NAALADL2: variants seen among roughly 807,000 people sequenced by gnomAD.
The protein encoded by NAALADL2 is N-acetylated alpha-linked acidic dipeptidase like 2.
In NAALADL2, 76 loss-of-function variants were observed where a neutral mutation model predicts 87.2. The observed-to-expected ratio is 0.87, with a 90% confidence interval of 0.72 to 1.05. NAALADL2 has a LOEUF of 1.05. Among genes scored for constraint, NAALADL2 ranks in the 50% least tolerant of loss-of-function variants. The pLI, the probability that NAALADL2 is intolerant of heterozygous loss-of-function variation, is 0.00. For missense variants in NAALADL2, 1,089 were observed against 945.8 expected (o/e 1.15, Z -1.99); for synonymous variants, 354 against 331.0 (o/e 1.07, Z -0.75).
chr3:175,658,809 C>A (rs1186297791), intron 11 of NAALADL2, among the ~76,000 whole-genome samples: 1 of 152,074 alleles, frequency 6.6e-6, no homozygotes, highest in Non-Finnish European at 1.5e-5. Flanking sequence ...CATCTGCCTT[C>A]ATTTAGTTTC....
At chr3:174,620,120 T>C (rs2108662994) in intron 2 of NAALADL2, among the ~76,000 whole-genome samples, 1 of 152,154 alleles carries the variant, frequency 6.6e-6, no homozygotes, top group Non-Finnish European at 1.5e-5. Flanking sequence ...AATGTTAATC[T>C]CCTTGGTCAT....
chr3:174,841,888 G>A (rs1413083815), intron 3 of NAALADL2, among the ~76,000 whole-genome samples: 1 of 151,946 alleles, frequency 6.6e-6, no homozygotes, highest in Non-Finnish European at 1.5e-5. Context: ...CTCCTTTCAT[G>A]CCTTCCTTAG....
chr3:175,542,549 G>A (rs62287128), intron 9 of NAALADL2, among the ~76,000 whole-genome samples: 26,250 of 152,060 alleles, frequency 0.17, 2,406 homozygotes, highest in Middle Eastern at 0.23. Flanking sequence ...TAGTAGAGAC[G>A]GGGTTTTGCC....
chr3:175,162,315 C>A (rs1404030863), intron 2 of NAALADL2, among the ~76,000 whole-genome samples: 1 of 152,090 alleles, frequency 6.6e-6, no homozygotes, highest in East Asian at 1.9e-4. Context: ...CTTCCTCCAG[C>A]ATATTTAAAA....
intron 10 of NAALADL2, among the ~76,000 whole-genome samples, chr3:175,588,134 T>C (rs1720813653): frequency 6.6e-6 from 1 of 151,818 alleles, no homozygotes; most frequent in Non-Finnish European, 1.5e-5. Context: ...ACTTTGAGTA[T>C]GCCAAAAGAC....
chr3:175,509,776 C>G (rs1730876033), intron 9 of NAALADL2, among the ~76,000 whole-genome samples: 1 of 152,176 alleles, frequency 6.6e-6, no homozygotes, highest in South Asian at 2.1e-4. Context: ...TGGCGCAGAG[C>G]TGGGGAGTCC....
intron 2 of NAALADL2, among the ~76,000 whole-genome samples, chr3:175,138,208 A>G (rs1373920683): frequency 6.6e-6 from 1 of 152,204 alleles, no homozygotes; most frequent in Admixed American, 6.5e-5. Flanking sequence ...AGAATGAAGC[A>G]GATTATCACT....
chr3:175,071,047 A>G (rs535037219), intron 1 of NAALADL2, among the ~76,000 whole-genome samples: 1 of 152,186 alleles, frequency 6.6e-6, no homozygotes, highest in African/African-American at 2.4e-5. Flanking sequence ...CTGAGGACTT[A>G]GCTGGCTTCT....
rs1434114038 is a variant in NAALADL2 at position 175,810,014 on chromosome 3, TGTG to T, written c.*6815_*6817del. On this transcript the variant is annotated 3_prime_UTR_variant, in exon 14 of 14. Coordinates refer to ENST00000454872, the MANE Select transcript of NAALADL2 (RefSeq NM_207015.3). The stretch of plus-strand genomic sequence containing the variant: ...CAATTACTAAATTATGTTGAACTGT[TGTG>T]GTGTTTAGCCTTGTTCAAAATGATT... 1 of 152,022 alleles carries T rather than the reference TGTG, an allele frequency of 6.6e-6. No homozygotes were observed. Among genetic ancestry groups the T allele is most frequent in the Non-Finnish European group, 1.5e-5 (1 of 67,964 alleles). The allele number at this position is 152,022 out of a possible 1,614,324, so 9.4% of individuals were successfully genotyped here.
At chr3:175,081,038 G>A (rs915475687) in intron 1 of NAALADL2, 1 of 152,142 alleles carries the variant, frequency 6.6e-6, no homozygotes, top group Non-Finnish European at 1.5e-5. Flanking sequence ...AGGGTTCACT[G>A]CTATAGATTG....
chr3:175,343,246 A>G (rs1762749576), intron 5 of NAALADL2, among the ~76,000 whole-genome samples: 2 of 152,076 alleles, frequency 1.3e-5, no homozygotes, highest in South Asian at 2.1e-4. Flanking sequence ...CAAACTATAT[A>G]TAGTTATTAA....
intron 9 of NAALADL2, among the ~76,000 whole-genome samples, chr3:175,539,625 C>CATT (rs1553918647): frequency 3.3e-5 from 5 of 151,844 alleles, no homozygotes; most frequent in East Asian, 1.9e-4. Context: ...CAGTTGTTGT[C>CATT]GTTGTTCTGA....
intron 2 of NAALADL2, among the ~76,000 whole-genome samples, chr3:175,137,818 T>C (rs1187889464): frequency 1.3e-4 from 19 of 151,996 alleles, no homozygotes; most frequent in Admixed American, 1.2e-3. Context: ...GAGATGGGGT[T>C]TCGCTAGGTT....
chr3:175,334,114 A>G (rs527421783), intron 5 of NAALADL2, among the ~76,000 whole-genome samples: 1 of 152,266 alleles, frequency 6.6e-6, no homozygotes, highest in East Asian at 1.9e-4. Context: ...AGAGTCAGCC[A>G]TTTCTCCAAA....
intron 1 of NAALADL2, among the ~76,000 whole-genome samples, chr3:174,940,739 T>C (rs1738454102): frequency 6.6e-6 from 1 of 152,148 alleles, no homozygotes; most frequent in South Asian, 2.1e-4. Context: ...TGGTTCAGTC[T>C]TGAGAGGTTG....
At chr3:175,411,917 A>G (rs1177823863) in intron 5 of NAALADL2, among the ~76,000 whole-genome samples, 1 of 151,998 alleles carries the variant, frequency 6.6e-6, no homozygotes, top group Non-Finnish European at 1.5e-5. Context: ...TTATTCTACA[A>G]CTTCCAAGCA....
intron 1 of NAALADL2, among the ~76,000 whole-genome samples, chr3:174,865,002 G>C (rs1726969719): frequency 6.6e-6 from 1 of 152,038 alleles, no homozygotes; most frequent in Admixed American, 6.6e-5. Context: ...TTCAGGAAAA[G>C]TATGTGTCAA....
At chr3:174,995,817 A>T (rs186529916) in intron 1 of NAALADL2, among the ~76,000 whole-genome samples, 1 of 152,262 alleles carries the variant, frequency 6.6e-6, no homozygotes, top group East Asian at 1.9e-4. Context: ...AAATTATAGA[A>T]ATTCAGTGAT....
At chr3:174,802,514 G>C (rs1578992657) in intron 3 of NAALADL2, among the ~76,000 whole-genome samples, 1 of 152,090 alleles carries the variant, frequency 6.6e-6, no homozygotes, top group South Asian at 2.1e-4. Flanking sequence ...TTAAGTTCTA[G>C]GGTACATGTG....
Sources: gnomAD v4.1 joint callset for allele counts (sites outside exome capture counted in the v4.1 genomes callset) on GRCh38, gnomAD v4.1.1 for gene constraint, MANE v1.5 for transcripts, NCBI Gene and HGNC (gene_info 2026-07-23, HGNC 2026-07-21) for gene names.